Variants in GLYR1 observed in about 807,000 individuals in gnomAD.
The protein encoded by GLYR1 is glyoxylate reductase 1 homolog.
In GLYR1, 21 loss-of-function variants were observed where a neutral mutation model predicts 72.7. The ratio of observed to expected loss-of-function variants is 0.29; its 90% CI spans 0.20 to 0.42. GLYR1 has a LOEUF of 0.42. Among genes scored for constraint, GLYR1 ranks in the 10% least tolerant of loss-of-function variants. The pLI is 1.00. For synonymous variants in GLYR1, 392 were observed against 270.2 expected (o/e 1.45, Z -4.42); for missense variants, 594 against 712.1 (o/e 0.83, Z 1.89).
intron 3 of GLYR1, among the ~76,000 whole-genome samples, chr16:4,836,802 A>G (rs909085285): frequency 9.9e-5 from 15 of 151,218 alleles, no homozygotes; most frequent in East Asian, 1.9e-4. Flanking sequence ...TGGTGAACAC[A>G]TATTATATTG....
intron 7 of GLYR1, among the ~76,000 whole-genome samples, chr16:4,822,323 G>C (rs1372278741): frequency 6.6e-6 from 1 of 151,568 alleles, no homozygotes; most frequent in Non-Finnish European, 1.5e-5. Context: ...CTGACCTCAG[G>C]TGATCCACCC....
At chr16:4,841,298 AG>A (rs2085526809) in intron 3 of GLYR1, among the ~76,000 whole-genome samples, 1 of 151,872 alleles carries the variant, frequency 6.6e-6, no homozygotes, top group African/African-American at 2.4e-5. Context: ...CAAGGATCAC[AG>A]TTTATTAATC....
intron 5 of GLYR1, among the ~76,000 whole-genome samples, chr16:4,824,244 G>C (rs561465925): frequency 6.6e-6 from 1 of 152,258 alleles, no homozygotes; most frequent in South Asian, 2.1e-4. Context: ...GCTGGGCGTG[G>C]TGGCTCATGT....
intron 15 of GLYR1, among the ~76,000 whole-genome samples, chr16:4,805,597 C>T (rs561256444): frequency 6.6e-6 from 1 of 152,350 alleles, no homozygotes; most frequent in South Asian, 2.1e-4. Flanking sequence ...CGGCTCATGC[C>T]TGTAAGGCCG....
At chr16:4,814,882 T>C (rs140689737) in intron 10 of GLYR1, among the ~76,000 whole-genome samples, 3 of 152,136 alleles carry the variant, frequency 2.0e-5, no homozygotes, top group Non-Finnish European at 4.4e-5. Flanking sequence ...GCTTCACAAG[T>C]GTCTGCTGAA....
rs867784229 is a variant in GLYR1, at chr16:4,807,128, T to C, written c.1588-1818A>G. On this transcript the variant is annotated intron_variant, in intron 15 of 15. Transcript: ENST00000321919. ...GCCCCTTTTTTTTTTTTTTTTTTTT[T>C]TGAGACGGAGTCTTGGTCTGTCGCC... 5.2e-3 allele frequency among the ~76,000 whole-genome samples: 765 copies of C among 145,936 alleles called. 8 individuals are homozygous for C. Among genetic ancestry groups the C allele is most frequent in the African/African-American group, 0.019 (735 of 38,908 alleles).
At chr16:4,842,483 G>C (rs913476979) in intron 3 of GLYR1, among the ~76,000 whole-genome samples, 1 of 151,800 alleles carries the variant, frequency 6.6e-6, no homozygotes, top group Non-Finnish European at 1.5e-5. Flanking sequence ...CTGCATACCT[G>C]GGACTACACT....
Position 4,844,341 on chromosome 16 carries a change from A to G in GLYR1, c.155+733T>C, listed in dbSNP as rs185143157. Among the ~76,000 whole-genome samples the G allele has an allele frequency of 4.6e-5, 7 of 151,168 alleles. No individual in the cohort carries two copies. In the East Asian group the frequency reaches 1.4e-3, roughly 31 times the overall value. On this transcript the variant is annotated intron_variant, in intron 3 of 15. Coordinates refer to ENST00000321919, the MANE Select transcript of GLYR1 (RefSeq NM_032569.4). ...AGACTTACTATAACAATGTCAAAGC[A>G]AATCACTTAGTTTTACACATGAGAA...
At chr16:4,831,709 A>G (rs1567762324) in intron 5 of GLYR1, among the ~76,000 whole-genome samples, 1 of 152,192 alleles carries the variant, frequency 6.6e-6, no homozygotes. Flanking sequence ...GTCTCACTCC[A>G]TCACCCAGGC....
chr16:4,847,040 C>G (rs2086185878), intron 1 of GLYR1, 188 bp downstream of exon 1: 2 of 583,696 alleles, frequency 3.4e-6, no homozygotes, highest in Non-Finnish European at 5.9e-6. Flanking sequence ...TGGCCACCCT[C>G]GGCCTCGGTC....
chr16:4,840,934 G>C (rs987515202), intron 3 of GLYR1, among the ~76,000 whole-genome samples: 1 of 152,230 alleles, frequency 6.6e-6, no homozygotes, highest in African/African-American at 2.4e-5. Context: ...CTTCTTTAGA[G>C]AAGTACTGTA....
rs778743284 is a variant in GLYR1, at chr16:4,817,731, G to C, written c.807-34C>G. ...GAGAGAGACTGATGAGTTCAGGGTGGAAAGGGAGGGTCACGGTGATGATGA... is the reference window on the plus strand; with the variant it reads ...GAGAGAGACTGATGAGTTCAGGGTGCAAAGGGAGGGTCACGGTGATGATGA... On this transcript the variant is annotated intron_variant, in intron 9 of 15. Coordinates refer to ENST00000321919, the MANE Select transcript of GLYR1 (RefSeq NM_032569.4). 5 of 1,278,142 alleles carry C rather than the reference G, an allele frequency of 3.9e-6. No homozygotes were observed. The African/African-American group carries it at 4.4e-5, about 11-fold the overall frequency. The allele number at this position is 1,278,142 out of a possible 1,614,324, so 79.2% of individuals were successfully genotyped here.
chr16:4,823,072 C>T (rs1596344498), intron 6 of GLYR1, 141 bp from the exon 7 acceptor site: 2 of 737,656 alleles, frequency 2.7e-6, no homozygotes, highest in East Asian at 2.6e-5. Context: ...AACTCTTTTC[C>T]CATTTTGGCC....
chr16:4,835,395 T>A (rs953327113), intron 3 of GLYR1, among the ~76,000 whole-genome samples: 1 of 152,250 alleles, frequency 6.6e-6, no homozygotes, highest in African/African-American at 2.4e-5. Flanking sequence ...AAAATTTTCC[T>A]CTTTACAACC....
At chr16:4,821,241 GT>G in intron 9 of GLYR1, 138 bp downstream of exon 9, 2 of 827,908 alleles carry the variant, frequency 2.4e-6, no homozygotes, top group South Asian at 3.1e-5. Context: ...ATCGATAAGA[GT>G]TACAACATCC....
intron 9 of GLYR1, among the ~76,000 whole-genome samples, chr16:4,819,376 T>C (rs1357359716): frequency 2.0e-5 from 3 of 152,120 alleles, no homozygotes; most frequent in Admixed American, 6.6e-5. Context: ...GGGGTGATCA[T>C]AGCTCACCGC....
chr16:4,838,590 TC>T (rs1567799819), intron 3 of GLYR1, among the ~76,000 whole-genome samples: 1 of 151,620 alleles, frequency 6.6e-6, no homozygotes, highest in East Asian at 1.9e-4. Flanking sequence ...ATGAAACTTT[TC>T]TTTTTTTTTT....
chr16:4,829,233 T>C (rs1452540450), intron 5 of GLYR1, among the ~76,000 whole-genome samples: 1 of 152,074 alleles, frequency 6.6e-6, no homozygotes, highest in Non-Finnish European at 1.5e-5. Flanking sequence ...GAGATGTTTC[T>C]ATGGCCCCAA....
rs2083347253 is a variant in GLYR1 at position 4,812,015 on chromosome 16, A to G, written c.1282+71T>C. 2.3e-5 allele frequency: 36 copies of G among 1,546,530 alleles called. 1 individual carries two copies. In the South Asian group the frequency reaches 4.3e-4, roughly 18 times the overall value. ...CCGGCAGAAAGGCCGTGTGGGACTG[A>G]CGCTGTCATCAGTGTGAAACAGAGG... On this transcript the variant is annotated intron_variant, in intron 13 of 15. Coordinates refer to ENST00000321919, the MANE Select transcript of GLYR1 (RefSeq NM_032569.4).
Sources: gnomAD v4.1 joint callset for allele counts (sites outside exome capture counted in the v4.1 genomes callset) on GRCh38, gnomAD v4.1.1 for gene constraint, MANE v1.5 for transcripts, NCBI Gene and HGNC (gene_info 2026-07-23, HGNC 2026-07-21) for gene names.